The following IRS1 variants were observed in gnomAD, a reference collection of about 807,000 sequenced individuals.
IRS1 encodes the protein insulin receptor substrate 1.
Under a neutral mutation model 65.6 loss-of-function variants are expected in IRS1, and 34 were observed. The observed-to-expected ratio is 0.52, with a 90% confidence interval of 0.39 to 0.69. IRS1 has a LOEUF of 0.69. Among genes scored for constraint, IRS1 ranks in the 30% least tolerant of loss-of-function variants. The probability of loss-of-function intolerance (pLI) is 0.00; values close to 1 mark genes in which losing one functional copy is unlikely to be tolerated. For missense variants in IRS1, 1,641 were observed against 1,720.2 expected (o/e 0.95, Z 0.81); for synonymous variants, 699 against 683.5 (o/e 1.02, Z -0.35).
chr2:226,766,151 A>ATTTTTT (rs1357950302), intron 1 of IRS1, among the ~76,000 whole-genome samples: 1 of 4,110 alleles, frequency 2.4e-4, no homozygotes, highest in African/African-American at 5.5e-4. Context: ...ATATATATAT[A>ATTTTTT]TATATATATA....
chr2:226,733,875 C>T lies in IRS1; in HGVS notation c.*2397G>A, dbSNP rs1938276927. 6.6e-6 allele frequency: 1 copy of T among 152,180 alleles called. No individual in the cohort carries two copies. The highest frequency in any genetic ancestry group is 6.5e-5 in the Admixed American group (1 of 15,272). The allele number at this position is 152,180 out of a possible 1,614,324, so 9.4% of individuals were successfully genotyped here. ...AAGCAGCTTAAATAAGAATTTCTAC[C>T]TTTATGCTTTTCGACTCAAAAAGTC... is the stretch of plus-strand genomic sequence containing the variant. On this transcript the variant is annotated 3_prime_UTR_variant, in exon 2 of 2. Transcript: ENST00000305123.
At chr2:226,751,905 A>G (rs1485299546) in intron 1 of IRS1, among the ~76,000 whole-genome samples, 1 of 151,968 alleles carries the variant, frequency 6.6e-6, no homozygotes, top group Non-Finnish European at 1.5e-5. Flanking sequence ...CTAGCTCCCA[A>G]CTCCACATCT....
intron 1 of IRS1, among the ~76,000 whole-genome samples, chr2:226,766,156 TATA>T (rs1939040556): frequency 5.2e-5 from 1 of 19,242 alleles, no homozygotes; most frequent in East Asian, 1.0e-3. Flanking sequence ...TATATATATA[TATA>T]TATATTTTTT....
intron 1 of IRS1, among the ~76,000 whole-genome samples, chr2:226,783,343 C>A (rs1030360137): frequency 5.9e-5 from 9 of 152,194 alleles, no homozygotes; most frequent in African/African-American, 2.2e-4. Flanking sequence ...TCATTTCCTG[C>A]CCCTACATTT....
At chr2:226,789,312 G>A (rs1200900712) in intron 1 of IRS1, among the ~76,000 whole-genome samples, 3 of 152,128 alleles carry the variant, frequency 2.0e-5, no homozygotes, top group African/African-American at 4.8e-5. Flanking sequence ...AAAAAAGGTC[G>A]GAGCTTCTGA....
intron 1 of IRS1, among the ~76,000 whole-genome samples, chr2:226,764,117 G>A (rs1165849064): frequency 6.6e-6 from 1 of 151,810 alleles, no homozygotes; most frequent in Non-Finnish European, 1.5e-5. Flanking sequence ...CTGAAAGTAA[G>A]TTTTATTATT....
chr2:226,760,901 T>C (rs929261758), intron 1 of IRS1, among the ~76,000 whole-genome samples: 1 of 152,238 alleles, frequency 6.6e-6, no homozygotes, highest in African/African-American at 2.4e-5. Context: ...CAAAGTGCTA[T>C]CTTTTGCTGT....
At chr2:226,786,797 A>G (rs986040408) in intron 1 of IRS1, among the ~76,000 whole-genome samples, 4 of 151,758 alleles carry the variant, frequency 2.6e-5, no homozygotes, top group African/African-American at 9.7e-5. Context: ...AAAAAAAAAA[A>G]AAAAACTTTT....
chr2:226,795,505 A>G lies in IRS1; in HGVS notation c.3234T>C (p.Ser1078=), dbSNP rs745452023. 2.5e-6 allele frequency: 4 copies of G among 1,613,280 alleles called. No homozygotes were observed. Among genetic ancestry groups the G allele is most frequent in the African/African-American group, 1.3e-5 (1 of 74,996 alleles). The change falls in exon 1 of 2, where the codon AGT becomes AGC. Residue 1078 remains serine (S), a synonymous_variant. Coordinates refer to ENST00000305123, the MANE Select transcript of IRS1 (RefSeq NM_005544.3). ...CTTTGGCACTCTGGTTGCGGTTAGG[A>G]CTGAGGTTCACCCGGGTGAAGGCGC... is the stretch of plus-strand genomic sequence containing the variant. ...GMSAFTRVNL[S]PNRNQSAKVI...
intron 1 of IRS1, among the ~76,000 whole-genome samples, chr2:226,756,743 CA>C (rs1291672770): frequency 7.9e-5 from 12 of 152,120 alleles, no homozygotes; most frequent in African/African-American, 2.9e-4. Context: ...GTGGGTGGAT[CA>C]CAAGGTCAAG....
Position 226,769,962 on chromosome 2 carries a change from T to C in IRS1, c.*21+25027A>G, listed in dbSNP as rs115497933. 7.1e-3 allele frequency among the ~76,000 whole-genome samples: 1,085 copies of C among 152,052 alleles called. 12 individuals are homozygous for C. Among genetic ancestry groups the C allele is most frequent in the African/African-American group, 0.025 (1,028 of 41,450 alleles). Reference sequence around the variant, plus strand: ...CACTGCTCTCCTGTCTGGTAAGCAGTGGAGGCACTAGGAAATCTACTCCTC... The same window carrying C: ...CACTGCTCTCCTGTCTGGTAAGCAGCGGAGGCACTAGGAAATCTACTCCTC... On this transcript the variant is annotated intron_variant, in intron 1 of 1. Coordinates refer to ENST00000305123, the MANE Select transcript of IRS1 (RefSeq NM_005544.3).
At chr2:226,767,093 G>C (rs1187186761) in intron 1 of IRS1, among the ~76,000 whole-genome samples, 2 of 151,874 alleles carry the variant, frequency 1.3e-5, no homozygotes, top group African/African-American at 4.8e-5. Context: ...TCTACTACAG[G>C]TTTTGCATGT....
chr2:226,741,814 CACACACACACACATAA>C (rs1938443969), intron 1 of IRS1, among the ~76,000 whole-genome samples: 2 of 147,070 alleles, frequency 1.4e-5, no homozygotes, highest in African/African-American at 4.9e-5. Flanking sequence ...CACACACACA[CACACACACACACATAA>C]CACACACACA....
rs1938218129 is a variant in IRS1, at chr2:226,731,371, T to TA, written c.*4900dup. ...TTTCATGTCCAGCAATCAAAGACAT[T>TA]AAGGACCACTAATATTTACATCCAT... is the stretch of plus-strand genomic sequence containing the variant. On this transcript the variant is annotated 3_prime_UTR_variant, in exon 2 of 2. Coordinates refer to ENST00000305123, the MANE Select transcript of IRS1 (RefSeq NM_005544.3). 1 of 152,196 alleles carries TA rather than the reference T, an allele frequency of 6.6e-6. No homozygotes were observed. The highest frequency in any genetic ancestry group is 2.1e-4 in the South Asian group (1 of 4,830). The allele number at this position is 152,196 out of a possible 1,614,324, so 9.4% of individuals were successfully genotyped here.
chr2:226,796,950 C>CAT lies in IRS1; in HGVS notation c.1788_1789insAT (p.Gly597MetfsTer40). 1 of 1,562,436 alleles carries CAT rather than the reference C, an allele frequency of 6.4e-7. No individual in the cohort carries two copies. The highest frequency in any genetic ancestry group is 8.7e-7 in the Non-Finnish European group (1 of 1,150,704). On this transcript the variant is annotated frameshift_variant, in exon 1 of 2. Transcript: ENST00000305123. LOFTEE classifies it high-confidence loss of function. Reference sequence around the variant, plus strand: ...GTGGAGCTGTCTGGGCGGTGGTGCCCCCCCCGACGCTCCAAGGGGTGCATT... The same window carrying CAT: ...GTGGAGCTGTCTGGGCGGTGGTGCCCATCCCCCGACGCTCCAAGGGGTGCATT...
At chr2:226,764,717 T>C (rs955127236) in intron 1 of IRS1, among the ~76,000 whole-genome samples, 6 of 152,092 alleles carry the variant, frequency 3.9e-5, no homozygotes, top group Non-Finnish European at 8.8e-5. Flanking sequence ...ACAGTGAGGG[T>C]GCGCCACAGC....
chr2:226,767,268 G>A (rs1227414629), intron 1 of IRS1, among the ~76,000 whole-genome samples: 3 of 152,168 alleles, frequency 2.0e-5, no homozygotes, highest in Non-Finnish European at 4.4e-5. Context: ...GGCTAAATTT[G>A]GATCACATAA....
chr2:226,759,825 G>A (rs1300656607), intron 1 of IRS1, among the ~76,000 whole-genome samples: 1 of 152,184 alleles, frequency 6.6e-6, no homozygotes, highest in Non-Finnish European at 1.5e-5. Context: ...AAAATGCACT[G>A]AAATGTTTTG....
At chr2:226,751,883 A>T (rs1938692149) in intron 1 of IRS1, among the ~76,000 whole-genome samples, 2 of 152,156 alleles carry the variant, frequency 1.3e-5, no homozygotes, top group South Asian at 4.1e-4. Flanking sequence ...ACCACAAAGC[A>T]CAAATTTGAG....
Sources: gnomAD v4.1 joint callset for allele counts (sites outside exome capture counted in the v4.1 genomes callset) on GRCh38, gnomAD v4.1.1 for gene constraint, MANE v1.5 for transcripts, NCBI Gene and HGNC (gene_info 2026-07-23, HGNC 2026-07-21) for gene names.